The following PDZD2 variants were observed in gnomAD, a reference collection of about 807,000 sequenced individuals.
The protein encoded by PDZD2 is PDZ domain containing 2, also known as PDZ domain-containing protein 2.
Under a neutral mutation model 220.7 loss-of-function variants are expected in PDZD2, and 90 were observed. The observed-to-expected ratio is 0.41, with a 90% CI of 0.34 to 0.49. PDZD2 has a LOEUF of 0.49. Among genes scored for constraint, PDZD2 ranks in the 20% least tolerant of loss-of-function variants. The pLI is 0.28. For synonymous variants in PDZD2, 1,375 were observed against 1,450.5 expected, an observed-to-expected ratio of 0.95 and a Z score of 1.18; for missense variants, 3,174 against 3,608.5, an observed-to-expected ratio of 0.88 and a Z score of 3.08.
chr5:31,677,052 A>T (rs1409244363), intron 1 of PDZD2, among the ~76,000 whole-genome samples: 2 of 152,160 alleles, frequency 1.3e-5, no homozygotes, highest in Admixed American at 6.5e-5. Flanking sequence ...AGCCCTATGA[A>T]AAAAGGATGA....
At chr5:31,647,409 C>T (rs1354357604) in intron 1 of PDZD2, among the ~76,000 whole-genome samples, 1 of 152,130 alleles carries the variant, frequency 6.6e-6, no homozygotes, top group Non-Finnish European at 1.5e-5. Context: ...GAAATTTATC[C>T]TCTCACAGTA....
intron 2 of PDZD2, among the ~76,000 whole-genome samples, chr5:31,804,829 G>T (rs1054012977): frequency 6.6e-6 from 1 of 152,164 alleles, no homozygotes; most frequent in Non-Finnish European, 1.5e-5. Context: ...GACTTATGAA[G>T]AACAAACTAT....
chr5:31,672,425 C>T (rs1175312865), intron 1 of PDZD2, among the ~76,000 whole-genome samples: 1 of 152,166 alleles, frequency 6.6e-6, no homozygotes, highest in Non-Finnish European at 1.5e-5. Flanking sequence ...GGGATTTGGC[C>T]AGTCCCTCTA....
chr5:31,881,378 T>C (rs1468469127), intron 2 of PDZD2, among the ~76,000 whole-genome samples: 3 of 145,684 alleles, frequency 2.1e-5, no homozygotes, highest in African/African-American at 8.2e-5. Flanking sequence ...GTATATATTT[T>C]TTTTTTTTTT....
intron 1 of PDZD2, among the ~76,000 whole-genome samples, chr5:31,777,124 G>A (rs779318603): frequency 2.2e-4 from 33 of 152,278 alleles, no homozygotes; most frequent in Admixed American, 1.3e-3. Context: ...GCCAGGAACC[G>A]GGGCTGTGCA....
At chr5:31,925,903 A>G (rs559054001) in intron 2 of PDZD2, among the ~76,000 whole-genome samples, 83 of 152,296 alleles carry the variant, frequency 5.4e-4, no homozygotes, top group African/African-American at 1.9e-3. Flanking sequence ...TAAAACCACC[A>G]TGAGATACCA....
At chr5:31,725,487 AAATG>A (rs1749069661) in intron 1 of PDZD2, 2 of 1,241,470 alleles carry the variant, frequency 1.6e-6, no homozygotes, top group Admixed American at 2.6e-5. Context: ...AACTATGAGT[AAATG>A]AATGATCCAT....
At chr5:32,043,378 G>A (rs919298349) in intron 7 of PDZD2, among the ~76,000 whole-genome samples, 4 of 152,236 alleles carry the variant, frequency 2.6e-5, no homozygotes, top group African/African-American at 9.6e-5. Context: ...AACAGGGTCG[G>A]TTCCCACATC....
At position 31,833,592 on chromosome 5, in the gene PDZD2, C is replaced by T. The variant is rs1193803524; in HGVS notation, c.476+33868C>T. Among the ~76,000 whole-genome samples, 12 of 146,416 alleles carry T rather than the reference C, an allele frequency of 8.2e-5. No homozygotes were observed. In the East Asian group the frequency reaches 1.8e-3, roughly 22 times the overall value. On this transcript the variant is annotated intron_variant, in intron 2 of 24. Coordinates refer to ENST00000438447, the MANE Select transcript of PDZD2 (RefSeq NM_178140.4). ...AGCCAGTTGCAGTGAGCCGAGATTGCGCCATTGCACTCCAGCCTGGGCAAC... is the reference window on the plus strand; with the variant it reads ...AGCCAGTTGCAGTGAGCCGAGATTGTGCCATTGCACTCCAGCCTGGGCAAC...
chr5:31,697,493 G>T (rs75308549), intron 1 of PDZD2, among the ~76,000 whole-genome samples: 3 of 152,040 alleles, frequency 2.0e-5, no homozygotes, highest in African/African-American at 7.2e-5. Context: ...AAAGAAAATC[G>T]GAAAGAACAT....
intron 24 of PDZD2, 27 bp from the exon 25 acceptor site, chr5:32,107,942 T>C: frequency 3.9e-6 from 6 of 1,556,416 alleles, no homozygotes; most frequent in Non-Finnish European, 5.3e-6. Context: ...TGCCAAGCTA[T>C]TAATTATTCT....
At chr5:32,032,294 T>C (rs1027761757) in intron 6 of PDZD2, among the ~76,000 whole-genome samples, 1 of 152,216 alleles carries the variant, frequency 6.6e-6, no homozygotes, top group African/African-American at 2.4e-5. Flanking sequence ...GTGTTCTTTG[T>C]TAGCTTTCCT....
intron 1 of PDZD2, among the ~76,000 whole-genome samples, chr5:31,689,353 A>ATATTTTTTTTTTTTTTTTCTTT: frequency 2.8e-5 from 1 of 35,142 alleles, no homozygotes; most frequent in African/African-American, 2.1e-4. Flanking sequence ...ATATATATAT[A>ATATTTTTTTTTTTTTTTTCTTT]TTTTTTTTTT....
rs1404646568 is a variant in PDZD2 at position 32,074,108 on chromosome 5, C to T, written c.3002C>T (p.Pro1001Leu). ...ATCAGGCCTCTGTCAGAGGATGACCCGAGGCGTGTCTCAATTTCCTCTTCC... is the reference window on the plus strand; with the variant it reads ...ATCAGGCCTCTGTCAGAGGATGACCTGAGGCGTGTCTCAATTTCCTCTTCC... The part of the protein sequence containing the change: ...GPIRPLSEDD[P>L]RRVSISSSKG... Residue 1001 changes from proline to leucine, a missense_variant, in exon 18 of 25, where the codon CCG (proline) becomes CTG (leucine). Around this residue, in one of 4 missense-constraint regions of PDZD2, gnomAD observed 1,861 missense variants for 2,001.0 expected, o/e 0.93. Transcript: ENST00000438447. 3.1e-6 allele frequency: 5 copies of T among 1,614,202 alleles called. No homozygotes were observed. Among genetic ancestry groups the T allele is most frequent in the Non-Finnish European group, 4.2e-6 (5 of 1,180,036 alleles).
At chr5:31,733,554 C>T (rs1340430511) in intron 1 of PDZD2, among the ~76,000 whole-genome samples, 2 of 152,152 alleles carry the variant, frequency 1.3e-5, no homozygotes. Context: ...TGAGTCTATT[C>T]TGGGACTTTT....
chr5:31,828,707 C>T (rs920867862), intron 2 of PDZD2, among the ~76,000 whole-genome samples: 2 of 152,170 alleles, frequency 1.3e-5, no homozygotes, highest in African/African-American at 4.8e-5. Flanking sequence ...TGCTGTGTTT[C>T]CCATACTGGT....
chr5:31,878,004 A>T (rs1739465936), intron 2 of PDZD2, among the ~76,000 whole-genome samples: 1 of 152,112 alleles, frequency 6.6e-6, no homozygotes, highest in Non-Finnish European at 1.5e-5. Flanking sequence ...TTGTTTATGA[A>T]GGTATCTTAC....
At chr5:31,988,409 C>T (rs932016847) in intron 3 of PDZD2, among the ~76,000 whole-genome samples, 2 of 146,370 alleles carry the variant, frequency 1.4e-5, no homozygotes, top group African/African-American at 5.1e-5. Flanking sequence ...GGGTTCCCAG[C>T]ACAGGAGCTT....
rs1740056616 is a variant in PDZD2 at position 31,882,908 on chromosome 5, T to C, written c.476+83184T>C. On this transcript the variant is annotated intron_variant, in intron 2 of 24. Transcript: ENST00000438447. ...AGCTGAGCCTGATTGTGAGTGTCTG[T>C]AATCCCAGCTACATGGGAGGCTGAG... Among the ~76,000 whole-genome samples the C allele has an allele frequency of 4.0e-5, 6 of 150,390 alleles. No individual in the cohort carries two copies. In the South Asian group the frequency reaches 1.3e-3, roughly 32 times the overall value.
Sources: allele counts gnomAD v4.1 joint callset (sites outside exome capture counted in the v4.1 genomes callset), GRCh38; gene constraint gnomAD v4.1.1; regional missense constraint gnomAD v4.1.1; transcripts MANE v1.5; gene names NCBI Gene and HGNC (gene_info 2026-07-23, HGNC 2026-07-21).